EARS2: variants seen among roughly 807,000 people sequenced by gnomAD.
EARS2 encodes nondiscriminating glutamyl-tRNA synthetase EARS2, mitochondrial.
Under a neutral mutation model 54.1 loss-of-function variants are expected in EARS2, and 50 were observed. That is an observed-to-expected ratio of 0.92 (90% CI 0.74 to 1.17). The LOEUF is 1.17. EARS2 is among the 50% of genes most tolerant of loss of function. The pLI is 0.00. For missense variants in EARS2, 673 were observed against 675.0 expected (o/e 1.00, Z 0.03); for synonymous variants, 298 against 281.0 (o/e 1.06, Z -0.61).
chr16:23,524,477 T>C, intron 8 of EARS2, 23 bp from the exon 9 acceptor site: 1 of 1,604,152 alleles, frequency 6.2e-7, no homozygotes, highest in Non-Finnish European at 8.5e-7. Context: ...AGAGCAAATA[T>C]TGCCTTACTA....
At chr16:23,534,647 C>T (rs1242173417) in intron 4 of EARS2, among the ~76,000 whole-genome samples, 6 of 152,176 alleles carry the variant, frequency 3.9e-5, no homozygotes, top group African/African-American at 1.4e-4. Flanking sequence ...GCAACTGAGG[C>T]TCAGAGACTA....
chr16:23,529,477 C>T lies in EARS2; in HGVS notation c.1352+25G>A, dbSNP rs2072062. The T allele has an allele frequency of 0.79, 1,264,355 of 1,607,636 alleles. 499,719 individuals are homozygous for T. The highest frequency in any genetic ancestry group is 0.81 in the Non-Finnish European group (954,161 of 1,176,142). On this transcript the variant is annotated intron_variant, in intron 7 of 8. Coordinates refer to ENST00000449606, the MANE Select transcript of EARS2 (RefSeq NM_001083614.2). ...AGAGAGGGAAGGAGGGTGTGGAACC[C>T]TGAGCTCAGCCTGCGGGTACTCACC...
intron 5 of EARS2, 86 bp downstream of exon 5, chr16:23,532,571 C>T (rs1465140552): frequency 1.1e-6 from 1 of 894,284 alleles, no homozygotes; most frequent in African/African-American, 1.7e-5. Flanking sequence ...AATTAGGTAC[C>T]AGAGCCCATT....
intron 3 of EARS2, among the ~76,000 whole-genome samples, chr16:23,540,177 C>T (rs549538087): frequency 6.6e-6 from 1 of 151,944 alleles, no homozygotes; most frequent in Non-Finnish European, 1.5e-5. Flanking sequence ...ACATAACACT[C>T]TGTGTGTGGT....
intron 4 of EARS2, among the ~76,000 whole-genome samples, chr16:23,533,102 T>C (rs1342086302): frequency 1.3e-5 from 2 of 152,112 alleles, no homozygotes; most frequent in Non-Finnish European, 2.9e-5. Flanking sequence ...CTGGCAAACA[T>C]GGTGAAACCC....
At chr16:23,544,472 C>T (rs1245866849) in intron 3 of EARS2, 42 bp downstream of exon 3, 3 of 1,585,370 alleles carry the variant, frequency 1.9e-6, no homozygotes, top group Admixed American at 3.5e-5. Context: ...AACAAACACA[C>T]CCAATGTTGA....
intron 3 of EARS2, among the ~76,000 whole-genome samples, chr16:23,536,649 G>A (rs956480631): frequency 6.8e-6 from 1 of 148,060 alleles, no homozygotes; most frequent in Non-Finnish European, 1.5e-5. Flanking sequence ...GTGACACAGC[G>A]AGACCCTGTC....
rs1965147043 is a variant in EARS2 at position 23,521,929 on chromosome 16, C to T, written c.*2442G>A. The stretch of plus-strand genomic sequence containing the variant: ...CTGAGTTTAAATCTTGGTTTTGCCT[C>T]GTACTATAACCTCGGAAGTTTTAGT... On this transcript the variant is annotated 3_prime_UTR_variant, in exon 9 of 9. Coordinates refer to ENST00000449606, the MANE Select transcript of EARS2 (RefSeq NM_001083614.2). 7 of 417,680 alleles carry T rather than the reference C, an allele frequency of 1.7e-5. No homozygotes were observed. Among genetic ancestry groups the T allele is most frequent in the Non-Finnish European group, 2.9e-5 (6 of 205,770 alleles). 25.9% of individuals were successfully genotyped at this position (417,680 alleles called of 1,614,324 possible). A position where few individuals can be genotyped will look rare whatever the true frequency, so the allele number is the denominator to read the frequency against.
intron 7 of EARS2, among the ~76,000 whole-genome samples, chr16:23,525,891 AG>A (rs1965218445): frequency 6.6e-6 from 1 of 151,298 alleles, no homozygotes. Flanking sequence ...CCAGCTACTC[AG>A]GAGGCTGAGG....
In EARS2 at chr16:23,521,893, T is replaced by C. The variant is rs1317516387; in HGVS notation, c.*2478A>G. 2.2e-6 allele frequency: 1 copy of C among 452,828 alleles called. No homozygotes were observed. The highest frequency in any genetic ancestry group is 7.0e-5 in the East Asian group (1 of 14,366). 28.1% of individuals were successfully genotyped at this position (452,828 alleles called of 1,614,324 possible). ...ATCAGAGTTAAGCTTGGACTCTGGA[T>C]CGGCACAGATCTGAGTTTAAATCTT... On this transcript the variant is annotated 3_prime_UTR_variant, in exon 9 of 9. Transcript: ENST00000449606.
chr16:23,537,794 C>CTTTTTTTTTTTTTTTTTTTTTTTT, intron 3 of EARS2, among the ~76,000 whole-genome samples: 1 of 137,490 alleles, frequency 7.3e-6, no homozygotes, highest in Non-Finnish European at 1.6e-5. Context: ...CTTTTTCTTT[C>CTTTTTTTTTTTTTTTTTTTTTTTT]TTTTTTTTTT....
At chr16:23,529,089 T>G (rs1484926248) in intron 7 of EARS2, among the ~76,000 whole-genome samples, 10 of 152,228 alleles carry the variant, frequency 6.6e-5, no homozygotes. Flanking sequence ...TAAGCAATTA[T>G]TCCCCTCTTG....
rs1192040146 is a variant in EARS2, at chr16:23,557,330, A to G, written c.14T>C (p.Leu5Pro). 11 of 1,548,422 alleles carry G rather than the reference A, an allele frequency of 7.1e-6. No homozygotes were observed. The African/African-American group carries it at 8.1e-5, about 11-fold the overall frequency. ...CCTCTCGCGCTGCAGCAGTCTCCTC[A>G]GGAGCGCCGCCATGTGGGATGGAAT... MAAL[L>P]RRLLQRERPS... Residue 5 changes from leucine to proline, a missense_variant, in exon 1 of 9, where the codon CTG becomes CCG. Physicochemically the swap from Leu to Pro is moderately conservative, Grantham distance 98 (BLOSUM62 -3). Around this residue, in one of 3 missense-constraint regions of EARS2, gnomAD observed 316 missense variants for 275.2 expected, o/e 1.15. Transcript: ENST00000449606.
intron 5 of EARS2, among the ~76,000 whole-genome samples, chr16:23,530,220 G>A (rs1235879454): frequency 1.3e-5 from 2 of 152,080 alleles, no homozygotes; most frequent in Non-Finnish European, 2.9e-5. Flanking sequence ...AGACCTCCTA[G>A]GCTCAAGCGA....
rs1214716508 is a variant in EARS2 at position 23,522,669 on chromosome 16, G to C, written c.*1702C>G. 2 of 152,028 alleles carry C rather than the reference G, an allele frequency of 1.3e-5. No homozygotes were observed. Among genetic ancestry groups the C allele is most frequent in the Non-Finnish European group, 2.9e-5 (2 of 68,010 alleles). 9.4% of individuals were successfully genotyped at this position (152,028 alleles called of 1,614,324 possible). On this transcript the variant is annotated 3_prime_UTR_variant, in exon 9 of 9. Transcript: ENST00000449606. ...CTGTAATCGCCTTTCCACTCCCCTGGACAAAATAAATATATTGTCTACTGC... is the reference window on the plus strand; with the variant it reads ...CTGTAATCGCCTTTCCACTCCCCTGCACAAAATAAATATATTGTCTACTGC...
chr16:23,549,007 T>C (rs75457233), intron 2 of EARS2, among the ~76,000 whole-genome samples: 8,635 of 152,210 alleles, frequency 0.057, 332 homozygotes, highest in Non-Finnish European at 0.087. Context: ...TCTGCCTTAC[T>C]CACTCTATGG....
intron 2 of EARS2, among the ~76,000 whole-genome samples, chr16:23,546,222 T>C (rs554616488): frequency 6.6e-6 from 1 of 152,318 alleles, no homozygotes; most frequent in African/African-American, 2.4e-5. Flanking sequence ...AATTTCATTA[T>C]GAATGCTTTC....
chr16:23,525,374 A>G lies in EARS2; in HGVS notation c.1358T>C (p.Leu453Pro), dbSNP rs779704286. 1.2e-6 allele frequency: 2 copies of G among 1,611,894 alleles called. No homozygotes were observed. The highest frequency in any genetic ancestry group is 1.1e-5 in the South Asian group (1 of 90,764). The stretch of plus-strand genomic sequence containing the variant: ...AGTTAAGCTCATACTAGATCTTTCT[A>G]GAAGCCTAGAAGAAGAGGGCCAGTT... ...DVIAKRVLGL[L>P]ERSSMSLTQD... Residue 453 changes from leucine to proline, a missense_variant, in exon 8 of 9, where the codon CTA (leucine) becomes CCA (proline). Coordinates refer to ENST00000449606, the MANE Select transcript of EARS2 (RefSeq NM_001083614.2).
In EARS2 at chr16:23,536,681, T is replaced by TC. The variant is rs1491259998; in HGVS notation, c.486-1322dup. ...TGTCTCAAAAAAAAAACTTTTTTTT[T>TC]CTTTTTTTTTTTTTTTTTTGAGATA... On this transcript the variant is annotated intron_variant, in intron 3 of 8. Transcript: ENST00000449606. Among the ~76,000 whole-genome samples the TC allele has an allele frequency of 5.8e-3, 860 of 148,952 alleles. 3 individuals carry two copies. The highest frequency in any genetic ancestry group is 9.6e-3 in the Non-Finnish European group (645 of 67,056).
Sources: gnomAD v4.1 joint callset for allele counts (sites outside exome capture counted in the v4.1 genomes callset) on GRCh38, gnomAD v4.1.1 for gene constraint, gnomAD v4.1.1 regional missense constraint, MANE v1.5 for transcripts, NCBI Gene and HGNC (gene_info 2026-07-23, HGNC 2026-07-21) for gene names.